Variants in NDUFA8 observed in about 807,000 individuals in gnomAD.
NDUFA8 encodes the protein NADH dehydrogenase [ubiquinone] 1 alpha subcomplex subunit 8.
NDUFA8 carries 16 observed loss-of-function variants against 20.9 expected under a neutral mutation model. The observed-to-expected ratio is 0.77, with a 90% CI of 0.52 to 1.16. NDUFA8 has a LOEUF of 1.16. Ranked by LOEUF, NDUFA8 falls within the 50% of genes most tolerant of loss-of-function variation. The probability of loss-of-function intolerance (pLI) is 0.00; values close to 1 mark genes in which losing one functional copy is unlikely to be tolerated. For missense variants in NDUFA8, 202 were observed against 216.4 expected, an observed-to-expected ratio of 0.93 and a Z score of 0.42; for synonymous variants, 70 against 76.1, an observed-to-expected ratio of 0.92 and a Z score of 0.41.
At chr9:122,133,866 G>A in the NDUFA8 span, among the ~76,000 whole-genome samples, 139 of 152,322 alleles carry the variant, frequency 9.1e-4, no homozygotes, top group African/African-American at 3.3e-3. Context: ...GCGCTGTCAG[G>A]AAGCCAGGAA....
At chr9:122,159,505 G>A in intron 1 of NDUFA8, 122 bp downstream of exon 1, 1 of 1,192,862 alleles carries the variant, frequency 8.4e-7, no homozygotes, top group Non-Finnish European at 1.3e-6. Context: ...ACCTGTATAT[G>A]CGTTGGAGGA....
Position 122,154,994 on chromosome 9 carries a change from A to C in NDUFA8, c.52-2586T>G, listed in dbSNP as rs115534009. On this transcript the variant is annotated intron_variant, in intron 1 of 3. Transcript: ENST00000373768. ...TCTAGAATAAAATCTAGTCTGTCACAGTGTATTATGCTTTAATACTCTACT... is the reference window on the plus strand; with the variant it reads ...TCTAGAATAAAATCTAGTCTGTCACCGTGTATTATGCTTTAATACTCTACT... Among the ~76,000 whole-genome samples the C allele has an allele frequency of 4.3e-3, 653 of 152,372 alleles. 8 individuals carry two copies. The highest frequency in any genetic ancestry group is 0.013 in the African/African-American group (541 of 41,590).
chr9:122,134,829 T>C, the NDUFA8 span, among the ~76,000 whole-genome samples: 2 of 152,130 alleles, frequency 1.3e-5, no homozygotes. Flanking sequence ...GTTAGTTCAG[T>C]CCTCTGACAC....
rs1828869863 is a variant in NDUFA8, at chr9:122,144,387, G to A, written c.382-9C>T. ...GTTTTCACTTTGGTGACCTGGGAAG[G>A]GTGAAGAGGGCAAAAGCAAAGTTGA... is the stretch of plus-strand genomic sequence containing the variant. On this transcript the variant is annotated splice_polypyrimidine_tract_variant and intron_variant, in intron 3 of 3. Coordinates refer to ENST00000373768, the MANE Select transcript of NDUFA8 (RefSeq NM_014222.3). 1 of 1,613,872 alleles carries A rather than the reference G, an allele frequency of 6.2e-7. No homozygotes were observed. The highest frequency in any genetic ancestry group is 8.5e-7 in the Non-Finnish European group (1 of 1,179,886).
chr9:122,151,587 T>C lies in NDUFA8; in HGVS notation c.215+658A>G, dbSNP rs112690540. On this transcript the variant is annotated intron_variant, in intron 2 of 3. Transcript: ENST00000373768. ...AACAGAGAAAACCAGAACTAAGAGA[T>C]TGTGAAAAGAGGAGAGGCAAAAAGA... 9.6e-4 allele frequency among the ~76,000 whole-genome samples: 146 copies of C among 152,194 alleles called. 2 individuals carry two copies. Among genetic ancestry groups the C allele is most frequent in the African/African-American group, 3.4e-3 (141 of 41,534 alleles).
intron 1 of NDUFA8, among the ~76,000 whole-genome samples, chr9:122,157,082 T>G (rs1256495131): frequency 6.6e-6 from 1 of 152,206 alleles, no homozygotes; most frequent in Non-Finnish European, 1.5e-5. Flanking sequence ...CCAAACTATC[T>G]TTCCACCCTT....
At chr9:122,141,911 G>A (rs1231381030), downstream of NDUFA8, among the ~76,000 whole-genome samples, 2 of 152,144 alleles carry the variant, frequency 1.3e-5, no homozygotes, top group Non-Finnish European at 1.5e-5. Context: ...AAGGTGGGGA[G>A]GGGGGAGGCA....
intron 1 of NDUFA8, 70 bp downstream of exon 1, chr9:122,159,557 G>C (rs961619650): frequency 1.9e-6 from 3 of 1,587,690 alleles, no homozygotes; most frequent in African/African-American, 1.3e-5. Context: ...CGGAGCCCAA[G>C]GGGGGCTAGG....
chr9:122,152,193 A>G, intron 2 of NDUFA8, 52 bp downstream of exon 2: 3 of 1,604,826 alleles, frequency 1.9e-6, no homozygotes, highest in Non-Finnish European at 2.6e-6. Context: ...TCACTTATTC[A>G]TTTAAACCTT....
rs150962419 is a variant in NDUFA8 at position 122,149,383 on chromosome 9, G to A, written c.216-1106C>T. On this transcript the variant is annotated intron_variant, in intron 2 of 3. Transcript: ENST00000373768. Reference sequence around the variant, plus strand: ...ATAACTTCTACTCAAGAATCACTTTGGTAGAAAGCAACCATTTCCAATGGG... The same window carrying A: ...ATAACTTCTACTCAAGAATCACTTTAGTAGAAAGCAACCATTTCCAATGGG... 1.8e-3 allele frequency among the ~76,000 whole-genome samples: 275 copies of A among 152,256 alleles called. 2 individuals carry two copies. Among genetic ancestry groups the A allele is most frequent in the African/African-American group, 6.0e-3 (250 of 41,536 alleles).
chr9:122,141,123 C>G (rs1207992750), downstream of NDUFA8, among the ~76,000 whole-genome samples: 3 of 152,086 alleles, frequency 2.0e-5, no homozygotes, highest in African/African-American at 7.2e-5. Context: ...TCGTGAAGAT[C>G]TAAAAATTCT....
At chr9:122,148,314 A>G in intron 2 of NDUFA8, 37 bp from the exon 3 acceptor site, 1 of 1,609,282 alleles carries the variant, frequency 6.2e-7, no homozygotes, top group East Asian at 2.2e-5. Flanking sequence ...ATCTCTTTGC[A>G]AAACAATGAA....
intron 1 of NDUFA8, among the ~76,000 whole-genome samples, chr9:122,156,243 CATTT>C (rs1485514193): frequency 6.6e-6 from 1 of 152,222 alleles, no homozygotes; most frequent in Non-Finnish European, 1.5e-5. Flanking sequence ...ACATCCTTCT[CATTT>C]ATTCTCACAA....
At chr9:122,137,392 C>T in the NDUFA8 span, among the ~76,000 whole-genome samples, 1 of 151,950 alleles carries the variant, frequency 6.6e-6, no homozygotes, top group Non-Finnish European at 1.5e-5. Context: ...CAGGTGTGCA[C>T]CATCACACCC....
the NDUFA8 span, chr9:122,132,931 G>T: frequency 4.4e-6 from 2 of 456,106 alleles, no homozygotes; most frequent in Non-Finnish European, 8.8e-6. Context: ...TGATGCTGCA[G>T]TGTCTATTTC....
chr9:122,143,998 G>A, downstream of NDUFA8: 1 of 1,234,218 alleles, frequency 8.1e-7, no homozygotes, highest in Non-Finnish European at 1.1e-6. Flanking sequence ...GAAGAAAAAA[G>A]CAAGGGGAAG....
intron 3 of NDUFA8, among the ~76,000 whole-genome samples, chr9:122,145,564 A>C (rs1160538781): frequency 6.6e-6 from 1 of 152,166 alleles, no homozygotes; most frequent in East Asian, 1.9e-4. Flanking sequence ...AAATTCAGAA[A>C]CCTTTTATTG....
chr9:122,134,412 G>A, the NDUFA8 span, among the ~76,000 whole-genome samples: 2 of 152,078 alleles, frequency 1.3e-5, no homozygotes, highest in Non-Finnish European at 2.9e-5. Context: ...CATAAAACGG[G>A]AATAACAGGA....
chr9:122,137,095 C>T, the NDUFA8 span, among the ~76,000 whole-genome samples: 3 of 152,104 alleles, frequency 2.0e-5, no homozygotes, highest in Non-Finnish European at 4.4e-5. Flanking sequence ...GAATTTGGCC[C>T]AATCAAAAGG....
Sources: gnomAD v4.1 joint callset for allele counts (sites outside exome capture counted in the v4.1 genomes callset) on GRCh38, gnomAD v4.1.1 for gene constraint, MANE v1.5 for transcripts, NCBI Gene and HGNC (gene_info 2026-07-23, HGNC 2026-07-21) for gene names.